PPP4R1: variants seen among roughly 807,000 people sequenced by gnomAD.
The protein encoded by PPP4R1 is protein phosphatase 4 regulatory subunit 1.
Under a neutral mutation model 111.2 loss-of-function variants are expected in PPP4R1, and 42 were observed. The ratio of observed to expected loss-of-function variants is 0.38; its 90% CI spans 0.29 to 0.49. The LOEUF (loss-of-function observed/expected upper bound fraction) is 0.49, where lower values mean the gene tolerates loss of function less well. Among genes scored for constraint, PPP4R1 ranks in the 20% least tolerant of loss-of-function variants. PPP4R1 has a pLI of 0.97. For synonymous variants in PPP4R1, 409 were observed against 405.5 expected, an observed-to-expected ratio of 1.01 and a Z score of -0.10; for missense variants, 1,012 against 1,161.6, an observed-to-expected ratio of 0.87 and a Z score of 1.87.
chr18:9,588,023 T>C (rs1421873811), intron 6 of PPP4R1, 66 bp downstream of exon 6: 5 of 1,588,422 alleles, frequency 3.1e-6, no homozygotes, highest in Non-Finnish European at 4.3e-6. Context: ...AACCCCGGCC[T>C]GACTTTTAAT....
At chr18:9,599,768 A>G (rs1249329313) in intron 2 of PPP4R1, 2 of 152,192 alleles carry the variant, frequency 1.3e-5, no homozygotes, top group African/African-American at 4.8e-5. Flanking sequence ...TATGACTATG[A>G]CCAAACTGTT....
rs778031717 is a variant in PPP4R1 at position 9,563,367 on chromosome 18, G to A, written c.1746+11C>T. The A allele has an allele frequency of 6.3e-7, 1 of 1,599,422 alleles. No individual in the cohort carries two copies. Among genetic ancestry groups the A allele is most frequent in the African/African-American group, 1.3e-5 (1 of 74,380 alleles). Reference sequence around the variant, plus strand: ...ACTCTCATTTGGTAAACACTTTACTGAGTTTGTTACCTCAACAGCATCGCT... The same window carrying A: ...ACTCTCATTTGGTAAACACTTTACTAAGTTTGTTACCTCAACAGCATCGCT... On this transcript the variant is annotated intron_variant, in intron 12 of 19. Transcript: ENST00000400556.
rs329003 is a variant in PPP4R1 at position 9,570,322 on chromosome 18, T to C, written c.1408A>G (p.Ile470Val). 139,902 of 1,611,002 alleles carry C rather than the reference T, an allele frequency of 0.087. 6,961 individuals are homozygous for C. The highest frequency in any genetic ancestry group is 0.16 in the Middle Eastern group (968 of 6,040). Reference protein sequence around the residue: ...RTPLPEIDLDIELEQNSGGKP... With the variant: ...RTPLPEIDLDVELEQNSGGKP... ...CCCCCAGAGTTCTGTTCAAGCTCTA[T>C]GTCTAGATCTATTTCAGGAAGAGGA... Residue 470 changes from isoleucine to valine, a missense_variant, in exon 11 of 20, where the codon ATA becomes GTA. Physicochemically the swap from Ile to Val is conservative, Grantham distance 29. Transcript: ENST00000400556.
chr18:9,557,170 G>C (rs1168025023), intron 15 of PPP4R1, 51 bp downstream of exon 15: 1 of 1,481,230 alleles, frequency 6.8e-7, no homozygotes, highest in Non-Finnish European at 9.1e-7. Flanking sequence ...TAAAGATTTA[G>C]ATTACGGCAG....
intron 3 of PPP4R1, 79 bp downstream of exon 3, chr18:9,594,939 T>C: frequency 2.6e-6 from 4 of 1,511,010 alleles, no homozygotes; most frequent in Middle Eastern, 1.8e-4. Flanking sequence ...TCCTTTAAAG[T>C]GGATACTTTC....
At position 9,550,268 on chromosome 18, in the gene PPP4R1, CA is replaced by C; in HGVS notation, c.2412+9del. On this transcript the variant is annotated intron_variant, in intron 17 of 19. Transcript: ENST00000400556. ...TTGCTGATCTAAAATTTTAAAAGTTCAATACATACCAACTTGTAGGAAATCC... is the reference window on the plus strand; with the variant it reads ...TTGCTGATCTAAAATTTTAAAAGTTCATACATACCAACTTGTAGGAAATCC... 1 of 1,613,824 alleles carries C rather than the reference CA, an allele frequency of 6.2e-7. No individual in the cohort carries two copies. The highest frequency in any genetic ancestry group is 1.7e-5 in the Admixed American group (1 of 59,918).
At chr18:9,559,118 T>C (rs2066633662) in intron 14 of PPP4R1, among the ~76,000 whole-genome samples, 1 of 152,204 alleles carries the variant, frequency 6.6e-6, no homozygotes, top group African/African-American at 2.4e-5. Context: ...AAATCCTATA[T>C]TCGGAACAAT....
intron 15 of PPP4R1, among the ~76,000 whole-genome samples, chr18:9,555,867 T>A (rs898261189): frequency 3.3e-5 from 5 of 152,068 alleles, no homozygotes; most frequent in Non-Finnish European, 7.4e-5. Context: ...CCAGGCATGG[T>A]GGCTCACGCC....
upstream of PPP4R1, among the ~76,000 whole-genome samples, chr18:9,616,154 ACT>A (rs2067685893): frequency 6.6e-6 from 1 of 152,150 alleles, no homozygotes; most frequent in African/African-American, 2.4e-5. Flanking sequence ...GTCCCAACTG[ACT>A]CAAACCATGA....
At chr18:9,599,907 C>T (rs1020312752) in intron 2 of PPP4R1, among the ~76,000 whole-genome samples, 2 of 152,142 alleles carry the variant, frequency 1.3e-5, no homozygotes, top group African/African-American at 4.8e-5. Flanking sequence ...TCAAGACAAG[C>T]TTGTGGCACT....
At chr18:9,562,127 T>A in intron 12 of PPP4R1, 52 bp from the exon 13 acceptor site, 2 of 1,357,844 alleles carry the variant, frequency 1.5e-6, no homozygotes, top group Non-Finnish European at 2.1e-6. Context: ...TACATCTTCA[T>A]TTAAGCTATC....
At chr18:9,564,738 G>GTGTGTGTGT (rs67103985) in intron 11 of PPP4R1, among the ~76,000 whole-genome samples, 8 of 12,518 alleles carry the variant, frequency 6.4e-4, no homozygotes, top group South Asian at 1.2e-3. Flanking sequence ...GTGTGTGTGT[G>GTGTGTGTGT]GGGGTATCAT....
intron 10 of PPP4R1, among the ~76,000 whole-genome samples, chr18:9,572,869 C>T (rs1432478015): frequency 6.6e-6 from 1 of 152,174 alleles, no homozygotes; most frequent in Non-Finnish European, 1.5e-5. Flanking sequence ...CTTATAACTA[C>T]AAAATATACA....
At chr18:9,608,556 A>G (rs959321095) in intron 2 of PPP4R1, among the ~76,000 whole-genome samples, 3 of 152,228 alleles carry the variant, frequency 2.0e-5, no homozygotes, top group Non-Finnish European at 2.9e-5. Context: ...CACCAGCTCA[A>G]AGATCTGTGC....
At chr18:9,549,581 C>A (rs534197154) in intron 18 of PPP4R1, among the ~76,000 whole-genome samples, 1 of 152,334 alleles carries the variant, frequency 6.6e-6, no homozygotes, top group Admixed American at 6.5e-5. Flanking sequence ...TTCATTTTCA[C>A]ACCTGCGCTC....
chr18:9,614,379 A>ACCCCACGCCGGCCCCGGCC lies in PPP4R1; in HGVS notation c.7+80_7+98dup, dbSNP rs2067651081. The ACCCCACGCCGGCCCCGGCC allele has an allele frequency of 1.2e-6, 1 of 851,692 alleles. No individual in the cohort carries two copies. The highest frequency in any genetic ancestry group is 2.7e-5 in the African/African-American group (1 of 36,560). 52.8% of individuals were successfully genotyped at this position (851,692 alleles called of 1,614,324 possible). On this transcript the variant is annotated intron_variant, in intron 1 of 19. Coordinates refer to ENST00000400556, the MANE Select transcript of PPP4R1 (RefSeq NM_001042388.3). This position sits in a 1 kb window ranked among gnomAD's most constrained non-coding sequence, Gnocchi z 4.1. Reference sequence around the variant, plus strand: ...CCCGGGGGCGCCTTCCCGCGCCGGGACCCCACGCCGGCCCCGGCCCGGCAG... The same window carrying ACCCCACGCCGGCCCCGGCC: ...CCCGGGGGCGCCTTCCCGCGCCGGGACCCCACGCCGGCCCCGGCCCCCCACGCCGGCCCCGGCCCGGCAG...
chr18:9,594,499 C>G (rs1010864747), intron 3 of PPP4R1, among the ~76,000 whole-genome samples: 1 of 152,082 alleles, frequency 6.6e-6, no homozygotes, highest in African/African-American at 2.4e-5. Context: ...AAATGTTACC[C>G]TTACATATTT....
chr18:9,564,722 GT>G (rs2066734408), intron 11 of PPP4R1, among the ~76,000 whole-genome samples: 4 of 50,182 alleles, frequency 8.0e-5, no homozygotes, highest in African/African-American at 1.4e-4. Flanking sequence ...GTGTGTGTGT[GT>G]GTGTGTGTGT....
In PPP4R1 at chr18:9,594,794, T is replaced by G. The variant is rs893675789; in HGVS notation, c.188+224A>C. The G allele has an allele frequency of 1.6e-4, 68 of 433,202 alleles. 1 individual carries two copies. The highest frequency in any genetic ancestry group is 2.3e-4 in the Non-Finnish European group (61 of 260,036). 26.8% of individuals were successfully genotyped at this position (433,202 alleles called of 1,614,324 possible). A position where few individuals can be genotyped will look rare whatever the true frequency, so the allele number is the denominator to read the frequency against. ...CCAGTGGCAGAAAAGCAATGGTAAT[T>G]AATGGTAATTTTTTTTTTTGCAAAG... On this transcript the variant is annotated intron_variant, in intron 3 of 19. Transcript: ENST00000400556.
Sources: allele counts gnomAD v4.1 joint callset (sites outside exome capture counted in the v4.1 genomes callset), GRCh38; gene constraint gnomAD v4.1.1; non-coding constraint Gnocchi (gnomAD v3.1); transcripts MANE v1.5; gene names NCBI Gene and HGNC (gene_info 2026-07-23, HGNC 2026-07-21).